AHI1: variants seen among roughly 807,000 people sequenced by gnomAD.
The protein encoded by AHI1 is Abelson helper integration site 1, also known as jouberin.
A neutral mutation model predicts 149.3 loss-of-function variants in AHI1; 123 were observed. The ratio of observed to expected loss-of-function variants is 0.82; its 90% confidence interval spans 0.71 to 0.96. AHI1 has a LOEUF of 0.96. AHI1 is among the 40% of genes least tolerant of loss of function. The probability of loss-of-function intolerance (pLI) is 0.00; values close to 1 mark genes in which losing one functional copy is unlikely to be tolerated. For missense variants in AHI1, 1,439 were observed against 1,422.7 expected, an observed-to-expected ratio of 1.01 and a Z score of -0.18; for synonymous variants, 475 against 459.8, an observed-to-expected ratio of 1.03 and a Z score of -0.42.
intron 14 of AHI1, among the ~76,000 whole-genome samples, chr6:135,438,958 G>A (rs540600196): frequency 2.0e-5 from 3 of 152,150 alleles, no homozygotes; most frequent in East Asian, 1.9e-4. Context: ...AAATGAACAG[G>A]GATAGTAATC....
At chr6:135,386,349 C>T (rs541803234) in intron 23 of AHI1, among the ~76,000 whole-genome samples, 9 of 150,348 alleles carry the variant, frequency 6.0e-5, no homozygotes, top group East Asian at 2.0e-4. Flanking sequence ...CTCGCTCTTC[C>T]GCCCAGGCTG....
At chr6:135,293,937 A>G (rs1415373903) in intron 27 of AHI1, among the ~76,000 whole-genome samples, 1 of 152,250 alleles carries the variant, frequency 6.6e-6, no homozygotes, top group East Asian at 1.9e-4. Flanking sequence ...TGAAAAGGAC[A>G]AAGTTGGAGG....
chr6:135,413,696 T>C (rs1340572052), intron 20 of AHI1, among the ~76,000 whole-genome samples: 1 of 151,560 alleles, frequency 6.6e-6, no homozygotes, highest in Non-Finnish European at 1.5e-5. Context: ...AAAAATCATC[T>C]ATATGTCTAT....
rs1795882372 is a variant in AHI1 at position 135,495,801 on chromosome 6, T to C, written c.-55+13A>G. ...AAAAAGACTCAGGCTTGAGCTCTAG[T>C]GTCACCACTTACTGATGTGTGGCCT... is the stretch of plus-strand genomic sequence containing the variant. On this transcript the variant is annotated intron_variant, in intron 3 of 28. Coordinates refer to ENST00000265602, the MANE Select transcript of AHI1 (RefSeq NM_001134831.2). 6.6e-6 allele frequency: 1 copy of C among 152,232 alleles called. No individual in the cohort carries two copies. Among genetic ancestry groups the C allele is most frequent in the African/African-American group, 2.4e-5 (1 of 41,462 alleles). The allele number at this position is 152,232 out of a possible 1,614,324, so 9.4% of individuals were successfully genotyped here. A position where few individuals can be genotyped will look rare whatever the true frequency, so the allele number is the denominator to read the frequency against.
intron 19 of AHI1, 50 bp from the exon 20 acceptor site, chr6:135,427,357 G>C (rs749137739): frequency 6.8e-7 from 1 of 1,473,552 alleles, no homozygotes; most frequent in Non-Finnish European, 9.3e-7. Flanking sequence ...TATCTGTATC[G>C]ATAAATCTTC....
At chr6:135,419,215 C>T (rs1782803142) in intron 20 of AHI1, among the ~76,000 whole-genome samples, 2 of 152,104 alleles carry the variant, frequency 1.3e-5, no homozygotes, top group Admixed American at 1.3e-4. Context: ...GAGACAGCAT[C>T]TACCAGCATC....
intron 23 of AHI1, among the ~76,000 whole-genome samples, chr6:135,374,438 G>C (rs1775601273): frequency 6.6e-6 from 1 of 151,948 alleles, no homozygotes; most frequent in Admixed American, 6.6e-5. Flanking sequence ...ATGTGAAGAA[G>C]TTATCTGTAC....
intron 5 of AHI1, among the ~76,000 whole-genome samples, chr6:135,477,976 T>C (rs1341703775): frequency 2.0e-5 from 3 of 151,702 alleles, no homozygotes; most frequent in African/African-American, 7.3e-5. Flanking sequence ...TTTTTTTTTA[T>C]TTTTAGTACA....
chr6:135,348,863 C>T (rs1168696237), intron 24 of AHI1, among the ~76,000 whole-genome samples: 1 of 152,108 alleles, frequency 6.6e-6, no homozygotes, highest in Non-Finnish European at 1.5e-5. Context: ...GTGTGTTAGA[C>T]ACAGTATTTA....
At chr6:135,313,187 A>C (rs543845373) in intron 26 of AHI1, among the ~76,000 whole-genome samples, 2 of 152,344 alleles carry the variant, frequency 1.3e-5, no homozygotes, top group South Asian at 4.1e-4. Context: ...CTTCTTTTCC[A>C]TAAACATAGA....
At chr6:135,367,844 T>C (rs1774416119) in intron 23 of AHI1, among the ~76,000 whole-genome samples, 1 of 152,236 alleles carries the variant, frequency 6.6e-6, no homozygotes, top group Admixed American at 6.5e-5. Context: ...AGAATTCTTT[T>C]TCTGGCAATT....
intron 10 of AHI1, 46 bp downstream of exon 10, chr6:135,455,688 A>G: frequency 7.5e-7 from 1 of 1,340,776 alleles, no homozygotes; most frequent in Non-Finnish European, 1.0e-6. Flanking sequence ...TTGTGCTATT[A>G]AATATTAACT....
At chr6:135,462,184 CACTT>C (rs1182534422) in intron 8 of AHI1, among the ~76,000 whole-genome samples, 2 of 151,938 alleles carry the variant, frequency 1.3e-5, no homozygotes, top group Admixed American at 1.3e-4. Flanking sequence ...AAAACATCAT[CACTT>C]ACATCTTCTA....
intron 23 of AHI1, among the ~76,000 whole-genome samples, chr6:135,372,229 T>C (rs868839737): frequency 7.2e-5 from 11 of 152,092 alleles, no homozygotes; most frequent in South Asian, 2.1e-4. Flanking sequence ...GCTGGGGCAA[T>C]AGACCATGAA....
chr6:135,363,770 AC>A (rs1264045356), intron 23 of AHI1, among the ~76,000 whole-genome samples: 1 of 88,400 alleles, frequency 1.1e-5, no homozygotes, highest in South Asian at 4.2e-4. Context: ...GCGGGGGTTG[AC>A]CCCCCCACCT....
chr6:135,411,010 T>A (rs754057514), intron 21 of AHI1, among the ~76,000 whole-genome samples: 4 of 152,144 alleles, frequency 2.6e-5, no homozygotes, highest in Middle Eastern at 3.2e-3. Context: ...GCTGGGCTGA[T>A]AAAGTCACAG....
At chr6:135,351,015 G>A (rs1440199859) in intron 24 of AHI1, among the ~76,000 whole-genome samples, 1 of 151,958 alleles carries the variant, frequency 6.6e-6, no homozygotes, top group African/African-American at 2.4e-5. Flanking sequence ...ATATATTTAG[G>A]GTTGCCCGAG....
chr6:135,416,983 C>A (rs748119445), intron 20 of AHI1, among the ~76,000 whole-genome samples: 11 of 152,032 alleles, frequency 7.2e-5, no homozygotes, highest in Non-Finnish European at 1.3e-4. Context: ...TTGAACTTTT[C>A]TCCAAAACAA....
At position 135,489,979 on chromosome 6, in the gene AHI1, T is replaced by C. The variant is rs1418016429; in HGVS notation, c.135+644A>G. ...AGGACAGAAGAGATAATGGTCAAAG[T>C]AGTAAAAAGTGCAACTCAAGTAGGG... On this transcript the variant is annotated intron_variant, in intron 5 of 28. Coordinates refer to ENST00000265602, the MANE Select transcript of AHI1 (RefSeq NM_001134831.2). The C allele has an allele frequency of 8.6e-5, 39 of 451,826 alleles. 1 individual carries two copies. In the Admixed American group the frequency reaches 1.2e-3, roughly 14 times the overall value. The allele number at this position is 451,826 out of a possible 1,614,324, so 28.0% of individuals were successfully genotyped here. A position where few individuals can be genotyped will look rare whatever the true frequency, so the allele number is the denominator to read the frequency against.
Sources: allele counts gnomAD v4.1 joint callset (sites outside exome capture counted in the v4.1 genomes callset), GRCh38; gene constraint gnomAD v4.1.1; transcripts MANE v1.5; gene names NCBI Gene and HGNC (gene_info 2026-07-23, HGNC 2026-07-21).